Variants in STIM1 observed in about 807,000 individuals in gnomAD.
STIM1 encodes the protein stromal interaction molecule 1.
A neutral mutation model predicts 74.7 loss-of-function variants in STIM1; 25 were observed. The observed-to-expected ratio is 0.33, with a 90% CI of 0.24 to 0.47. The LOEUF is 0.47. STIM1 is among the 20% of genes least tolerant of loss of function. The pLI is 1.00. For synonymous variants in STIM1, 328 were observed against 348.8 expected (o/e 0.94, Z 0.66); for missense variants, 728 against 920.8 (o/e 0.79, Z 2.71).
At chr11:3,910,843 G>A (rs1485690953) in intron 1 of STIM1, among the ~76,000 whole-genome samples, 7 of 151,278 alleles carry the variant, frequency 4.6e-5, no homozygotes, top group East Asian at 1.9e-4. Context: ...AAAAATATCC[G>A]GGCGTGGTGG....
chr11:4,059,107 G>A (rs1486302225), intron 4 of STIM1, among the ~76,000 whole-genome samples, 174 bp from the exon 5 acceptor site: 2 of 152,172 alleles, frequency 1.3e-5, no homozygotes, highest in African/African-American at 2.4e-5. Flanking sequence ...TAAATGTTAT[G>A]TGTCTCTCCA....
chr11:3,959,415 T>C (rs2093260161), intron 1 of STIM1, among the ~76,000 whole-genome samples: 1 of 152,186 alleles, frequency 6.6e-6, no homozygotes, highest in African/African-American at 2.4e-5. Flanking sequence ...ATATGGTTTT[T>C]TAATTAATTA....
At chr11:4,086,158 C>T (rs1017017555) in intron 11 of STIM1, 4 of 417,316 alleles carry the variant, frequency 9.6e-6, no homozygotes, top group Non-Finnish European at 1.3e-5. Flanking sequence ...CTCTCCCGGA[C>T]CTTATCCCAA....
chr11:3,911,584 C>T (rs2092563072), intron 1 of STIM1, among the ~76,000 whole-genome samples: 1 of 151,984 alleles, frequency 6.6e-6, no homozygotes, highest in African/African-American at 2.4e-5. Flanking sequence ...ACGGGGTCTC[C>T]TTCTGTTGCT....
chr11:3,993,095 T>C (rs1286087206), intron 2 of STIM1, among the ~76,000 whole-genome samples: 1 of 152,028 alleles, frequency 6.6e-6, no homozygotes, highest in Non-Finnish European at 1.5e-5. Flanking sequence ...AACCAGATCA[T>C]TTCACTCTCC....
intron 5 of STIM1, among the ~76,000 whole-genome samples, chr11:4,064,501 C>T (rs2094352774): frequency 6.6e-6 from 1 of 152,124 alleles, no homozygotes; most frequent in Non-Finnish European, 1.5e-5. Context: ...ACACAAACAC[C>T]CCAGAGAACC....
At chr11:3,927,930 A>G (rs1296446792) in intron 1 of STIM1, among the ~76,000 whole-genome samples, 1 of 152,204 alleles carries the variant, frequency 6.6e-6, no homozygotes, top group Non-Finnish European at 1.5e-5. Context: ...AGCCTGATGC[A>G]TTTGTCTTGC....
intron 3 of STIM1, among the ~76,000 whole-genome samples, chr11:4,037,672 C>T (rs1178661414): frequency 6.6e-6 from 1 of 152,040 alleles, no homozygotes; most frequent in Non-Finnish European, 1.5e-5. Flanking sequence ...ATTTAAAGTA[C>T]ATTTCCTGTA....
intron 1 of STIM1, among the ~76,000 whole-genome samples, chr11:3,875,596 G>T (rs1043719460): frequency 6.6e-6 from 1 of 151,694 alleles, no homozygotes; most frequent in Non-Finnish European, 1.5e-5. Flanking sequence ...GAGTGGTAGT[G>T]TGTGCTTGTA....
chr11:4,042,932 A>G (rs777107508), intron 3 of STIM1, among the ~76,000 whole-genome samples: 3 of 152,340 alleles, frequency 2.0e-5, no homozygotes, highest in Non-Finnish European at 2.9e-5. Flanking sequence ...ATTGTAAGCT[A>G]CATGGGAGTA....
chr11:4,052,817 GA>G (rs1372559910), intron 3 of STIM1, among the ~76,000 whole-genome samples: 2 of 152,134 alleles, frequency 1.3e-5, no homozygotes, highest in Non-Finnish European at 2.9e-5. Context: ...CAGAATGGGA[GA>G]AAAGTTTTGC....
intron 1 of STIM1, among the ~76,000 whole-genome samples, chr11:3,902,632 C>G (rs1247287820): frequency 2.0e-5 from 3 of 152,224 alleles, no homozygotes; most frequent in Non-Finnish European, 4.4e-5. Context: ...GCCTGCCGCT[C>G]ACCTCCTGCT....
Position 4,091,469 on chromosome 11 carries a change from G to T in STIM1, c.1822G>T (p.Ala608Ser). 6.2e-7 allele frequency: 1 copy of T among 1,614,182 alleles called. No individual in the cohort carries two copies. Among genetic ancestry groups the T allele is most frequent in the Non-Finnish European group, 8.5e-7 (1 of 1,180,028 alleles). Residue 608 changes from alanine to serine, a missense_variant, in exon 13 of 13, where the codon GCC becomes TCC. By Grantham distance (99) the Ala-to-Ser change is moderately conservative. This residue lies in a region of STIM1 where 352 missense variants were observed against 370.1 expected (regional missense o/e 0.95). Coordinates refer to ENST00000526596, the MANE Select transcript of STIM1 (RefSeq NM_001382567.1). The stretch of plus-strand genomic sequence containing the variant: ...GGTGGAGAAACTGCCTGACAGCCCT[G>T]CCCTGGCCAAGAAGGCATTACTGGC... ...SLVEKLPDSP[A>S]LAKKALLALN...
At chr11:4,055,951 C>T (rs545114947) in intron 4 of STIM1, among the ~76,000 whole-genome samples, 4 of 152,244 alleles carry the variant, frequency 2.6e-5, no homozygotes, top group Middle Eastern at 3.4e-3. Context: ...TACATCAGTC[C>T]TGTAAGGTGG....
At chr11:3,917,479 G>C (rs1327162690) in intron 1 of STIM1, among the ~76,000 whole-genome samples, 4 of 149,970 alleles carry the variant, frequency 2.7e-5, no homozygotes, top group African/African-American at 9.9e-5. Flanking sequence ...CTGTCGGCCA[G>C]GCTGGAGTGC....
At chr11:4,080,685 C>T (rs965397336) in intron 7 of STIM1, among the ~76,000 whole-genome samples, 1 of 152,092 alleles carries the variant, frequency 6.6e-6, no homozygotes, top group East Asian at 1.9e-4. Flanking sequence ...AGGCTGCTCT[C>T]GAACTCCTGG....
intron 7 of STIM1, among the ~76,000 whole-genome samples, chr11:4,075,964 G>T (rs2094434900): frequency 6.6e-6 from 1 of 151,430 alleles, no homozygotes; most frequent in South Asian, 2.1e-4. Context: ...AAATTTATTG[G>T]CCATTTGATT....
At chr11:4,028,570 G>A (rs1293237449) in intron 3 of STIM1, among the ~76,000 whole-genome samples, 7 of 151,174 alleles carry the variant, frequency 4.6e-5, no homozygotes, top group African/African-American at 7.3e-5. Context: ...CCCCACGCCC[G>A]GCTAATTTTT....
rs553435574 is a variant in STIM1, at chr11:3,956,988, C to T, written c.140-10564C>T. 2.6e-4 allele frequency among the ~76,000 whole-genome samples: 39 copies of T among 152,122 alleles called. No individual in the cohort carries two copies. In the South Asian group the frequency reaches 5.8e-3, roughly 23 times the overall value. ...TGGGATACTGCAGTGAGCAAAAAAG[C>T]GACTGCTCTCGTGGACCTTACTTTT... On this transcript the variant is annotated intron_variant, in intron 1 of 12. Transcript: ENST00000526596.
Sources: allele counts gnomAD v4.1 joint callset (sites outside exome capture counted in the v4.1 genomes callset), GRCh38; gene constraint gnomAD v4.1.1; regional missense constraint gnomAD v4.1.1; transcripts MANE v1.5; gene names NCBI Gene and HGNC (gene_info 2026-07-23, HGNC 2026-07-21).